OPCML: variants seen among roughly 807,000 people sequenced by gnomAD.
The protein encoded by OPCML is opioid binding protein/cell adhesion molecule like.
Under a neutral mutation model 37.8 loss-of-function variants are expected in OPCML, and 13 were observed. The observed-to-expected ratio is 0.34, with a 90% CI of 0.22 to 0.55. The LOEUF (loss-of-function observed/expected upper bound fraction) is 0.55, where lower values mean the gene tolerates loss of function less well. Ranked by LOEUF, OPCML falls within the 20% of genes least tolerant of loss-of-function variation. OPCML has a pLI of 0.91. For missense variants in OPCML, 341 were observed against 435.6 expected (o/e 0.78, Z 1.93); for synonymous variants, 176 against 168.8 (o/e 1.04, Z -0.33).
At chr11:132,604,267 T>A (rs1938124294) in intron 3 of OPCML, among the ~76,000 whole-genome samples, 1 of 141,790 alleles carries the variant, frequency 7.1e-6, no homozygotes, top group South Asian at 2.6e-4. Context: ...CTTGCTTCTT[T>A]GTGTTTATTT....
At chr11:132,633,979 G>T (rs55983136) in intron 3 of OPCML, among the ~76,000 whole-genome samples, 19,853 of 152,196 alleles carry the variant, frequency 0.13, 1,819 homozygotes, top group African/African-American at 0.26. Flanking sequence ...TCTCCAGTGT[G>T]TGGCTTGGAC....
chr11:132,641,414 C>A (rs1468513495), intron 3 of OPCML, among the ~76,000 whole-genome samples: 1 of 152,126 alleles, frequency 6.6e-6, no homozygotes, highest in Non-Finnish European at 1.5e-5. Context: ...GTTTGAGATG[C>A]TCCCAGCACC....
At chr11:132,755,000 C>T (rs888609172) in intron 2 of OPCML, among the ~76,000 whole-genome samples, 3 of 152,010 alleles carry the variant, frequency 2.0e-5, no homozygotes, top group Non-Finnish European at 2.9e-5. Flanking sequence ...AATGTGTATT[C>T]GAAAGTTTCC....
intron 1 of OPCML, among the ~76,000 whole-genome samples, chr11:133,153,343 G>C (rs924871491): frequency 6.6e-6 from 1 of 152,192 alleles, no homozygotes; most frequent in African/African-American, 2.4e-5. Flanking sequence ...TGCTCCACAG[G>C]AGAGCGAGTC....
At chr11:133,201,300 G>C (rs975458528) in intron 1 of OPCML, among the ~76,000 whole-genome samples, 39 of 92,004 alleles carry the variant, frequency 4.2e-4, no homozygotes, top group African/African-American at 2.4e-3. Flanking sequence ...AGAAAACAAT[G>C]CATGCTTTTT....
At chr11:132,890,524 T>G (rs2136458714) in intron 2 of OPCML, among the ~76,000 whole-genome samples, 1 of 151,838 alleles carries the variant, frequency 6.6e-6, no homozygotes, top group South Asian at 2.1e-4. Flanking sequence ...CAAAGATACA[T>G]ACAAAAGAGC....
intron 1 of OPCML, among the ~76,000 whole-genome samples, chr11:133,161,062 C>T (rs567912793): frequency 6.6e-6 from 1 of 152,168 alleles, no homozygotes; most frequent in Admixed American, 6.5e-5. Context: ...ACAACTCCTG[C>T]CTTACCTTTC....
At chr11:132,706,691 C>A (rs1396563684) in intron 2 of OPCML, among the ~76,000 whole-genome samples, 1 of 152,162 alleles carries the variant, frequency 6.6e-6, no homozygotes, top group Non-Finnish European at 1.5e-5. Flanking sequence ...TTTACCTCTG[C>A]ATAGGTTAGC....
intron 1 of OPCML, among the ~76,000 whole-genome samples, chr11:133,230,066 T>G (rs955545655): frequency 4.6e-5 from 7 of 152,130 alleles, no homozygotes; most frequent in African/African-American, 1.7e-4. Flanking sequence ...ATTTAAAGGA[T>G]TAAAAAAGAA....
chr11:132,477,311 C>T (rs1398764914), intron 4 of OPCML, among the ~76,000 whole-genome samples: 1 of 152,190 alleles, frequency 6.6e-6, no homozygotes. Context: ...TCCAGAAGTA[C>T]ACAGGGATTA....
chr11:132,606,410 T>A (rs1057308552), intron 3 of OPCML, among the ~76,000 whole-genome samples: 9 of 152,180 alleles, frequency 5.9e-5, no homozygotes, highest in Admixed American at 3.3e-4. Flanking sequence ...CTGCTCGTCT[T>A]AGACCTCCGC....
chr11:132,710,244 G>C (rs1944206190), intron 2 of OPCML, among the ~76,000 whole-genome samples: 1 of 151,996 alleles, frequency 6.6e-6, no homozygotes, highest in Non-Finnish European at 1.5e-5. Flanking sequence ...CTATTAGGAA[G>C]AATTCAGTTT....
chr11:132,592,603 C>G (rs966656200), intron 3 of OPCML, among the ~76,000 whole-genome samples: 11 of 152,314 alleles, frequency 7.2e-5, no homozygotes, highest in Admixed American at 2.0e-4. Flanking sequence ...ATGCCCATAG[C>G]AAGAGACCTG....
In OPCML at chr11:132,441,158, C is replaced by CTTTTTTTTTTTTTTT. The variant is rs749099654; in HGVS notation, c.506-3800_506-3799insAAAAAAAAAAAAAAA. 1.8e-3 allele frequency among the ~76,000 whole-genome samples: 198 copies of CTTTTTTTTTTTTTTT among 108,018 alleles called. 12 individuals carry two copies. The highest frequency in any genetic ancestry group is 4.2e-3 in the African/African-American group (96 of 22,752). The allele number at this position is 108,018 out of a possible 152,430, so 70.9% of individuals were successfully genotyped here. A position where few individuals can be genotyped will look rare whatever the true frequency, so the allele number is the denominator to read the frequency against. On this transcript the variant is annotated intron_variant, in intron 4 of 7. Coordinates refer to ENST00000524381, the MANE Select transcript of OPCML (RefSeq NM_001012393.5). ...ATTCTGAAGATGTGTTCACCAAGGA[C>CTTTTTTTTTTTTTTT]TTTTTTGTTTTTTTTTTTTTTTTTT...
At chr11:132,705,054 C>A (rs779062146) in intron 2 of OPCML, among the ~76,000 whole-genome samples, 11 of 152,130 alleles carry the variant, frequency 7.2e-5, no homozygotes, top group Non-Finnish European at 1.5e-4. Flanking sequence ...CATACAGAAC[C>A]AGCGAGTGTG....
rs35347941 is a variant in OPCML at position 132,752,261 on chromosome 11, TA to T, written c.147-94943del. Among the ~76,000 whole-genome samples, 503 of 133,252 alleles carry T rather than the reference TA, an allele frequency of 3.8e-3. 1 individual carries two copies. The highest frequency in any genetic ancestry group is 4.2e-3 in the Non-Finnish European group (253 of 60,610). The allele number at this position is 133,252 out of a possible 152,430, so 87.4% of individuals were successfully genotyped here. A position where few individuals can be genotyped will look rare whatever the true frequency, so the allele number is the denominator to read the frequency against. ...ACACCAAGCATCCCCTTAAAATAAA[TA>T]AAAAAAAAAAATTAAAAGAGAGAGA... On this transcript the variant is annotated intron_variant, in intron 2 of 7. Coordinates refer to ENST00000524381, the MANE Select transcript of OPCML (RefSeq NM_001012393.5).
At chr11:132,887,197 T>C (rs1332034631) in intron 2 of OPCML, among the ~76,000 whole-genome samples, 1 of 152,172 alleles carries the variant, frequency 6.6e-6, no homozygotes, top group East Asian at 1.9e-4. Context: ...CAAATACCAC[T>C]GTATTACAGC....
At chr11:132,577,099 C>T (rs10894586) in intron 3 of OPCML, among the ~76,000 whole-genome samples, 46,815 of 152,094 alleles carry the variant, frequency 0.31, 8,967 homozygotes, top group Non-Finnish European at 0.43. Context: ...ATCCCCCTTA[C>T]AGCTTTAGTG....
At chr11:132,810,074 G>C (rs529869396) in intron 2 of OPCML, among the ~76,000 whole-genome samples, 3 of 152,028 alleles carry the variant, frequency 2.0e-5, no homozygotes, top group Non-Finnish European at 2.9e-5. Context: ...TGGACTCGAA[G>C]TCCTAACCTC....
Sources: allele counts gnomAD v4.1 joint callset (sites outside exome capture counted in the v4.1 genomes callset), GRCh38; gene constraint gnomAD v4.1.1; transcripts MANE v1.5; gene names NCBI Gene and HGNC (gene_info 2026-07-23, HGNC 2026-07-21).